Variants in MAF observed in about 807,000 individuals in gnomAD.
MAF encodes the protein transcription factor Maf.
In MAF, 10 loss-of-function variants were observed where a neutral mutation model predicts 22.0. The observed-to-expected ratio is 0.45, with a 90% CI of 0.28 to 0.77. The LOEUF (loss-of-function observed/expected upper bound fraction) is 0.77, where lower values mean the gene tolerates loss of function less well. Ranked by LOEUF, MAF falls within the 30% of genes least tolerant of loss-of-function variation. The pLI, the probability that MAF is intolerant of heterozygous loss-of-function variation, is 0.12. For missense variants in MAF, 544 were observed against 548.4 expected, an observed-to-expected ratio of 0.99 and a Z score of 0.08; for synonymous variants, 337 against 255.8, an observed-to-expected ratio of 1.32 and a Z score of -3.03.
At chr16:79,269,509 C>G in the MAF span, among the ~76,000 whole-genome samples, 2 of 151,988 alleles carry the variant, frequency 1.3e-5, no homozygotes, top group Admixed American at 1.3e-4. Flanking sequence ...TGAGCCAACA[C>G]CCCTGTCTTG....
chr16:79,383,117 A>G, the MAF span, among the ~76,000 whole-genome samples: 10 of 152,330 alleles, frequency 6.6e-5, no homozygotes, highest in Non-Finnish European at 1.3e-4. Context: ...AAACCACTGG[A>G]GAAATTTGAA....
At chr16:79,524,131 G>C in the MAF span, among the ~76,000 whole-genome samples, 1 of 152,188 alleles carries the variant, frequency 6.6e-6, no homozygotes, top group Non-Finnish European at 1.5e-5. Flanking sequence ...GCGCCCATCA[G>C]CATCCCTGGT....
the MAF span, among the ~76,000 whole-genome samples, chr16:79,292,989 C>T: frequency 6.6e-6 from 1 of 152,188 alleles, no homozygotes; most frequent in Non-Finnish European, 1.5e-5. Flanking sequence ...TGCCAGAAAA[C>T]TCATGAATAG....
the MAF span, among the ~76,000 whole-genome samples, chr16:79,488,194 C>T: frequency 1.1e-4 from 16 of 152,306 alleles, no homozygotes; most frequent in Middle Eastern, 3.4e-3. Flanking sequence ...TGGGTTCTGT[C>T]TTGTGCCAGC....
At chr16:79,375,272 A>G in the MAF span, among the ~76,000 whole-genome samples, 1 of 152,226 alleles carries the variant, frequency 6.6e-6, no homozygotes, top group Admixed American at 6.5e-5. Context: ...TTCTGCCTAC[A>G]TAAAAGGGTT....
At chr16:79,322,668 C>T in the MAF span, among the ~76,000 whole-genome samples, 3 of 151,890 alleles carry the variant, frequency 2.0e-5, no homozygotes, top group Non-Finnish European at 2.9e-5. Context: ...GGTCGACACA[C>T]GGGTACTGAG....
At chr16:79,262,249 C>A in the MAF span, among the ~76,000 whole-genome samples, 1 of 152,118 alleles carries the variant, frequency 6.6e-6, no homozygotes, top group Non-Finnish European at 1.5e-5. Context: ...GGCCAGACAG[C>A]CAGTAGGTAT....
chr16:79,548,947 C>T, the MAF span, among the ~76,000 whole-genome samples: 5 of 152,116 alleles, frequency 3.3e-5, no homozygotes, highest in African/African-American at 1.2e-4. Context: ...TTCTGTGCAC[C>T]TCTGGGATGA....
the MAF span, among the ~76,000 whole-genome samples, chr16:79,466,283 G>C: frequency 3.3e-5 from 5 of 152,164 alleles, no homozygotes; most frequent in Non-Finnish European, 7.4e-5. Flanking sequence ...AGGCTGCAGG[G>C]TGACATGCTC....
chr16:79,293,721 AGT>A, the MAF span, among the ~76,000 whole-genome samples: 1 of 152,098 alleles, frequency 6.6e-6, no homozygotes. Context: ...TGTGCATAGT[AGT>A]GTGTCTGTGA....
At chr16:79,578,757 TA>T in the MAF span, among the ~76,000 whole-genome samples, 2 of 152,150 alleles carry the variant, frequency 1.3e-5, no homozygotes, top group South Asian at 2.1e-4. Context: ...CTTTTTCCTT[TA>T]AAAAAATTAA....
At chr16:79,451,429 G>A in the MAF span, among the ~76,000 whole-genome samples, 2 of 152,192 alleles carry the variant, frequency 1.3e-5, no homozygotes, top group Admixed American at 6.5e-5. Context: ...TTCCCTTCCC[G>A]TTTACCAATG....
At chr16:79,501,701 A>G in the MAF span, among the ~76,000 whole-genome samples, 1 of 152,158 alleles carries the variant, frequency 6.6e-6, no homozygotes, top group Non-Finnish European at 1.5e-5. Context: ...AAAATTGATT[A>G]TTTCACTTTG....
At chr16:79,595,481 G>C (rs940546812) in intron 1 of MAF, 4 of 1,059,072 alleles carry the variant, frequency 3.8e-6, no homozygotes, top group Non-Finnish European at 4.6e-6. Flanking sequence ...TTTCAAAACA[G>C]TGCTGGCTTT....
At chr16:79,494,783 G>A in the MAF span, among the ~76,000 whole-genome samples, 1 of 152,142 alleles carries the variant, frequency 6.6e-6, no homozygotes, top group African/African-American at 2.4e-5. Context: ...CCATGAGACT[G>A]GTCCCATTTC....
the MAF span, among the ~76,000 whole-genome samples, chr16:79,518,699 A>G: frequency 5.9e-5 from 9 of 152,230 alleles, no homozygotes; most frequent in African/African-American, 1.9e-4. Flanking sequence ...TGCCTGGCAT[A>G]TAATAAGTGC....
At chr16:79,420,030 T>C in the MAF span, among the ~76,000 whole-genome samples, 22 of 151,670 alleles carry the variant, frequency 1.5e-4, no homozygotes, top group African/African-American at 5.1e-4. Flanking sequence ...CTTTAACCCA[T>C]TTGACAATTC....
chr16:79,400,524 G>A, the MAF span, among the ~76,000 whole-genome samples: 2 of 152,210 alleles, frequency 1.3e-5, no homozygotes, highest in Non-Finnish European at 2.9e-5. Flanking sequence ...CTTCTGGGGA[G>A]CTCTTTGCTA....
At chr16:79,332,403 C>T in the MAF span, among the ~76,000 whole-genome samples, 6 of 152,152 alleles carry the variant, frequency 3.9e-5, no homozygotes, top group East Asian at 1.9e-4. Flanking sequence ...TGGGTTCAAG[C>T]GATTCTCGTG....
Sources: gnomAD v4.1 joint callset for allele counts (sites outside exome capture counted in the v4.1 genomes callset) on GRCh38, gnomAD v4.1.1 for gene constraint, MANE v1.5 for transcripts, NCBI Gene and HGNC (gene_info 2026-07-23, HGNC 2026-07-21) for gene names.